Variants in NXPE2 observed in about 807,000 individuals in gnomAD.
The protein encoded by NXPE2 is neurexophilin and PC-esterase domain family member 2.
NXPE2 carries 34 observed loss-of-function variants against 34.4 expected under a neutral mutation model. The ratio of observed to expected loss-of-function variants is 0.99; its 90% CI spans 0.75 to 1.31. NXPE2 has a LOEUF of 1.31. Among genes scored for constraint, NXPE2 ranks in the 40% most tolerant of loss-of-function variants. The pLI, the probability that NXPE2 is intolerant of heterozygous loss-of-function variation, is 0.00. For synonymous variants in NXPE2, 235 were observed against 231.3 expected (o/e 1.02, Z -0.15); for missense variants, 649 against 672.5 (o/e 0.97, Z 0.39).
the NXPE2 span, among the ~76,000 whole-genome samples, chr11:114,627,259 C>T: frequency 6.6e-6 from 1 of 151,928 alleles, no homozygotes; most frequent in Non-Finnish European, 1.5e-5. Flanking sequence ...ATGTTAAAGG[C>T]AGCCAGAGAG....
the NXPE2 span, among the ~76,000 whole-genome samples, chr11:114,579,142 G>A: frequency 2.0e-5 from 3 of 152,136 alleles, no homozygotes; most frequent in African/African-American, 7.2e-5. Flanking sequence ...TAGTCATGGC[G>A]GAAGGGAAGG....
the NXPE2 span, among the ~76,000 whole-genome samples, chr11:114,773,962 C>A: frequency 6.6e-6 from 1 of 152,246 alleles, no homozygotes; most frequent in Non-Finnish European, 1.5e-5. Context: ...GACTTCTCAG[C>A]CTCCATAATC....
chr11:114,669,031 A>C, the NXPE2 span, among the ~76,000 whole-genome samples: 19 of 152,048 alleles, frequency 1.2e-4, no homozygotes, highest in African/African-American at 4.6e-4. Flanking sequence ...GCTTGCTGAA[A>C]GTGGAAGAGA....
the NXPE2 span, among the ~76,000 whole-genome samples, chr11:114,564,818 A>G: frequency 6.6e-6 from 1 of 152,196 alleles, no homozygotes; most frequent in Non-Finnish European, 1.5e-5. Context: ...TTAAAGGGCC[A>G]CCTTTAGAGC....
the NXPE2 span, among the ~76,000 whole-genome samples, chr11:114,799,851 CCCTCCCTTCATCTCACCCTCCCTCCCTT>C: frequency 2.7e-5 from 4 of 150,482 alleles, no homozygotes; most frequent in Admixed American, 2.6e-4. Context: ...CAGTTCCCCT[CCCTCCCTTCATCTCACCCTCCCTCCCTT>C]TCTTCCTTTT....
the NXPE2 span, among the ~76,000 whole-genome samples, chr11:114,774,778 C>T: frequency 2.3e-3 from 351 of 152,264 alleles, 6 homozygotes; most frequent in Admixed American, 0.02. Context: ...TCCTGCAAGG[C>T]GTGGAGAGAA....
the NXPE2 span, among the ~76,000 whole-genome samples, chr11:114,564,244 TGGG>T: frequency 6.6e-6 from 1 of 152,068 alleles, no homozygotes; most frequent in Non-Finnish European, 1.5e-5. Context: ...CACTCATAAG[TGGG>T]AGCTAAGCTA....
chr11:114,543,494 C>A, the NXPE2 span, among the ~76,000 whole-genome samples: 6 of 150,452 alleles, frequency 4.0e-5, no homozygotes, highest in African/African-American at 1.5e-4. Flanking sequence ...GCACTCCAGC[C>A]TGGGGTACAG....
At chr11:114,756,226 G>A in the NXPE2 span, among the ~76,000 whole-genome samples, 1 of 152,164 alleles carries the variant, frequency 6.6e-6, no homozygotes, top group Non-Finnish European at 1.5e-5. Flanking sequence ...GGCCACAGAA[G>A]GAGACGATAG....
At chr11:114,509,263 AAAC>A in the NXPE2 span, among the ~76,000 whole-genome samples, 5 of 152,274 alleles carry the variant, frequency 3.3e-5, no homozygotes, top group South Asian at 2.1e-4. Context: ...AACAAATAAA[AAAC>A]AACAACAGAT....
chr11:114,582,494 A>G, the NXPE2 span: 1 of 1,614,136 alleles, frequency 6.2e-7, no homozygotes. Context: ...TGCCATTGAC[A>G]AACTGGCCAG....
At chr11:114,769,745 T>C in the NXPE2 span, among the ~76,000 whole-genome samples, 1 of 151,982 alleles carries the variant, frequency 6.6e-6, no homozygotes, top group African/African-American at 2.4e-5. Context: ...TTCTCAATCA[T>C]AAGTGGGAGT....
the NXPE2 span, among the ~76,000 whole-genome samples, chr11:114,779,240 T>G: frequency 6.7e-6 from 1 of 148,374 alleles, no homozygotes; most frequent in Non-Finnish European, 1.5e-5. Flanking sequence ...TCAGTCAGAA[T>G]AAAACTCTTT....
the NXPE2 span, among the ~76,000 whole-genome samples, chr11:114,746,722 G>C: frequency 6.6e-6 from 1 of 151,944 alleles, no homozygotes; most frequent in Admixed American, 6.6e-5. Context: ...TTCCTGGCCC[G>C]CGCCTGTAGT....
the NXPE2 span, among the ~76,000 whole-genome samples, chr11:114,598,307 G>C: frequency 4.8e-5 from 1 of 20,982 alleles, no homozygotes; most frequent in African/African-American, 2.3e-4. Context: ...GAGTGCCTTT[G>C]GTTTTTCCAG....
At chr11:114,562,889 C>G in the NXPE2 span, among the ~76,000 whole-genome samples, 2 of 152,152 alleles carry the variant, frequency 1.3e-5, no homozygotes, top group Non-Finnish European at 2.9e-5. Flanking sequence ...GCAAGATAGT[C>G]CTAACATGCT....
the NXPE2 span, among the ~76,000 whole-genome samples, chr11:114,501,505 A>G: frequency 3.3e-5 from 5 of 152,204 alleles, no homozygotes; most frequent in African/African-American, 1.2e-4. Flanking sequence ...TTGAGAGAAT[A>G]TAATATTTAT....
the NXPE2 span, among the ~76,000 whole-genome samples, chr11:114,485,344 G>T: frequency 6.7e-6 from 1 of 149,416 alleles, no homozygotes; most frequent in Admixed American, 6.7e-5. Context: ...GAGTAGCTGG[G>T]ATTGCAGGTG....
chr11:114,485,670 G>GTC, the NXPE2 span, among the ~76,000 whole-genome samples: 1 of 151,984 alleles, frequency 6.6e-6, no homozygotes, highest in Non-Finnish European at 1.5e-5. Flanking sequence ...CCTTCCCAGT[G>GTC]TCTGGTAACC....
Sources: allele counts gnomAD v4.1 joint callset (sites outside exome capture counted in the v4.1 genomes callset), GRCh38; gene constraint gnomAD v4.1.1; transcripts MANE v1.5; gene names NCBI Gene and HGNC (gene_info 2026-07-23, HGNC 2026-07-21).